PSMC2: variants seen among roughly 807,000 people sequenced by gnomAD.
PSMC2 encodes the protein 26S proteasome regulatory subunit 7.
In PSMC2, 7 loss-of-function variants were observed where a neutral mutation model predicts 53.3. That is an observed-to-expected ratio of 0.13 (90% confidence interval 0.07 to 0.25). The LOEUF (loss-of-function observed/expected upper bound fraction) is 0.25. Among genes scored for constraint, PSMC2 ranks in the 10% least tolerant of loss-of-function variants. The pLI, the probability that PSMC2 is intolerant of heterozygous loss-of-function variation, is 1.00. For missense variants in PSMC2, 241 were observed against 544.0 expected, an observed-to-expected ratio of 0.44 and a Z score of 5.54; for synonymous variants, 169 against 183.9, an observed-to-expected ratio of 0.92 and a Z score of 0.66.
At chr7:103,355,614 C>CAGT in intron 3 of PSMC2, 80 bp from the exon 4 acceptor site, 1 of 1,024,672 alleles carries the variant, frequency 9.8e-7, no homozygotes, top group East Asian at 2.4e-5. Flanking sequence ...TGCAAAATAT[C>CAGT]AGTAGTGCTG....
chr7:103,348,553 G>A, intron 1 of PSMC2: 1 of 765,264 alleles, frequency 1.3e-6, no homozygotes, highest in Non-Finnish European at 2.3e-6. Flanking sequence ...ATTTGTTGCT[G>A]TTATAAAACA....
intron 9 of PSMC2, 122 bp downstream of exon 9, chr7:103,366,285 A>G: frequency 1.2e-6 from 1 of 815,230 alleles, no homozygotes. Flanking sequence ...GAGCTCTGAA[A>G]CAGTGGCGCC....
At position 103,355,730 on chromosome 7, in the gene PSMC2, C is replaced by G; in HGVS notation, c.227C>G (p.Ala76Gly). The G allele has an allele frequency of 6.2e-7, 1 of 1,614,114 alleles. No individual in the cohort carries two copies. The highest frequency in any genetic ancestry group is 8.5e-7 in the Non-Finnish European group (1 of 1,180,000). The change falls in exon 4 of 12, where the codon GCA becomes GGA. Residue 76 changes from alanine to glycine, a missense_variant. By Grantham distance (60) the Ala-to-Gly change is moderately conservative. Coordinates refer to ENST00000292644, the MANE Select transcript of PSMC2 (RefSeq NM_002803.4). ...KESDTGLAPP[A>G]LWDLAADKQT... ...TCTGACACTGGCCTGGCCCCACCAG[C>G]ACTCTGGGATTTGGCTGCAGATAAG... is the stretch of plus-strand genomic sequence containing the variant.
chr7:103,354,138 A>G (rs1819889485), intron 2 of PSMC2, among the ~76,000 whole-genome samples, 180 bp downstream of exon 2: 1 of 152,210 alleles, frequency 6.6e-6, no homozygotes. Context: ...AGTAATCTTC[A>G]CTAAATGAAG....
At chr7:103,348,392 G>A (rs1354351265) in intron 1 of PSMC2, among the ~76,000 whole-genome samples, 2 of 152,052 alleles carry the variant, frequency 1.3e-5, no homozygotes, top group African/African-American at 4.8e-5. Flanking sequence ...GTAGCATGCT[G>A]TACATACTTC....
intron 4 of PSMC2, 57 bp downstream of exon 4, chr7:103,355,850 G>T (rs1820002559): frequency 8.0e-7 from 1 of 1,252,192 alleles, no homozygotes; most frequent in Admixed American, 1.9e-5. Flanking sequence ...AGCACTTAAT[G>T]TTAGAGTCTC....
intron 4 of PSMC2, among the ~76,000 whole-genome samples, chr7:103,356,400 ATAT>A (rs1356843637): frequency 6.6e-6 from 1 of 152,170 alleles, no homozygotes; most frequent in African/African-American, 2.4e-5. Context: ...GGGGTCAAAG[ATAT>A]TATAGTTTTA....
In PSMC2 at chr7:103,368,120, C is replaced by G; in HGVS notation, c.*66C>G. 4 of 1,377,528 alleles carry G rather than the reference C, an allele frequency of 2.9e-6. No individual in the cohort carries two copies. Among genetic ancestry groups the G allele is most frequent in the Non-Finnish European group, 3.9e-6 (4 of 1,018,422 alleles). 85.3% of individuals were successfully genotyped at this position (1,377,528 alleles called of 1,614,324 possible). A position where few individuals can be genotyped will look rare whatever the true frequency, so the allele number is the denominator to read the frequency against. The stretch of plus-strand genomic sequence containing the variant: ...TAACCTTATATAGACTTGTTAATAA[C>G]CAATTCATAAACAAATAAATGGCTT... On this transcript the variant is annotated 3_prime_UTR_variant, in exon 12 of 12. Coordinates refer to ENST00000292644, the MANE Select transcript of PSMC2 (RefSeq NM_002803.4).
chr7:103,362,333 A>G, intron 5 of PSMC2: 1 of 1,367,006 alleles, frequency 7.3e-7, no homozygotes, highest in Non-Finnish European at 9.4e-7. Context: ...AGTTGAGGTT[A>G]CCAGTCCATT....
intron 2 of PSMC2, among the ~76,000 whole-genome samples, chr7:103,354,196 CAGTTTATGTAT>C (rs1175713471): frequency 6.6e-6 from 1 of 152,070 alleles, no homozygotes; most frequent in Non-Finnish European, 1.5e-5. Flanking sequence ...TGGCATGTCT[CAGTTTATGTAT>C]TATTTTAATA....
chr7:103,368,221 A>C lies in PSMC2; in HGVS notation c.*167A>C, dbSNP rs1359339317. On this transcript the variant is annotated 3_prime_UTR_variant, in exon 12 of 12. Coordinates refer to ENST00000292644, the MANE Select transcript of PSMC2 (RefSeq NM_002803.4). ...GATTTCTAATGTTATTAGGCAGAAA[A>C]GCTTGTTAGAATATATTTTGACTAT... The C allele has an allele frequency of 1.5e-6, 1 of 661,902 alleles. No homozygotes were observed. Among genetic ancestry groups the C allele is most frequent in the Non-Finnish European group, 2.4e-6 (1 of 420,582 alleles). The allele number at this position is 661,902 out of a possible 1,614,324, so 41.0% of individuals were successfully genotyped here. A position where few individuals can be genotyped will look rare whatever the true frequency, so the allele number is the denominator to read the frequency against.
At chr7:103,349,017 A>C (rs1310192343) in intron 1 of PSMC2, among the ~76,000 whole-genome samples, 3 of 152,212 alleles carry the variant, frequency 2.0e-5, no homozygotes, top group Non-Finnish European at 4.4e-5. Context: ...TATGCACACC[A>C]GTTTTGGATA....
At chr7:103,363,931 T>A (rs1013520746) in intron 7 of PSMC2, among the ~76,000 whole-genome samples, 11 of 152,352 alleles carry the variant, frequency 7.2e-5, no homozygotes, top group African/African-American at 2.6e-4. Flanking sequence ...TATGTATTGA[T>A]AGAAGTCCAG....
At chr7:103,352,247 G>C (rs1041219191) in intron 1 of PSMC2, among the ~76,000 whole-genome samples, 2 of 29,930 alleles carry the variant, frequency 6.7e-5, no homozygotes, top group East Asian at 1.2e-3. Flanking sequence ...AAAAAAAAAA[G>C]ACCTGCCGTT....
Position 103,367,384 on chromosome 7 carries a change from A to T in PSMC2, c.845-29A>T. On this transcript the variant is annotated intron_variant, in intron 9 of 11. Transcript: ENST00000292644. The surrounding 1 kb of genome is among the most constrained non-coding windows in gnomAD (Gnocchi z 6.1). ...TAGTGCTACTCTTGAGTGGACTTGA[A>T]GAGCTTATCTTTCCTTTTGTCTTCT... 2 of 1,609,944 alleles carry T rather than the reference A, an allele frequency of 1.2e-6. 1 individual carries two copies. Among genetic ancestry groups the T allele is most frequent in the Non-Finnish European group, 1.7e-6 (2 of 1,177,902 alleles).
At position 103,347,759 on chromosome 7, in the gene PSMC2, G is replaced by C. The variant is rs1329129617; in HGVS notation, c.48G>C (p.Glu16Asp). 15 of 1,613,812 alleles carry C rather than the reference G, an allele frequency of 9.3e-6. No individual in the cohort carries two copies. Among genetic ancestry groups the C allele is most frequent in the Non-Finnish European group, 1.3e-5 (15 of 1,179,852 alleles). Residue 16 changes from glutamate (E) to aspartate (D), a missense_variant, in exon 1 of 12, where the codon GAG becomes GAC. Physicochemically the swap from Glu to Asp is conservative, Grantham distance 45. Coordinates refer to ENST00000292644, the MANE Select transcript of PSMC2 (RefSeq NM_002803.4). ...ATCAGCGGAAGACCAAAGAGGATGA[G>C]AAGGACGACAAGCCCATCCGAGGTC... ...GADQRKTKED[E>D]KDDKPIRALD...
chr7:103,364,704 G>A (rs528497958), intron 8 of PSMC2, among the ~76,000 whole-genome samples: 1 of 151,914 alleles, frequency 6.6e-6, no homozygotes, highest in Non-Finnish European at 1.5e-5. Context: ...CACCACGCCC[G>A]GCCTGAGACC....
intron 4 of PSMC2, among the ~76,000 whole-genome samples, chr7:103,359,296 C>A (rs1199772778): frequency 6.6e-6 from 1 of 151,650 alleles, no homozygotes; most frequent in Admixed American, 6.6e-5. Context: ...CCGTGCCCAG[C>A]CAGCTTATGA....
chr7:103,365,720 G>C (rs998328191), intron 8 of PSMC2, among the ~76,000 whole-genome samples: 5 of 152,046 alleles, frequency 3.3e-5, no homozygotes, highest in Admixed American at 2.6e-4. Context: ...ATGAGGTCAG[G>C]AGTTCAATGC....
Sources: allele counts gnomAD v4.1 joint callset (sites outside exome capture counted in the v4.1 genomes callset), GRCh38; gene constraint gnomAD v4.1.1; non-coding constraint Gnocchi (gnomAD v3.1); transcripts MANE v1.5; gene names NCBI Gene and HGNC (gene_info 2026-07-23, HGNC 2026-07-21).